Variants in MFHAS1 observed in about 807,000 individuals in gnomAD.
MFHAS1 encodes multifunctional ROCO family signaling regulator 1.
Under a neutral mutation model 70.4 loss-of-function variants are expected in MFHAS1, and 50 were observed. The ratio of observed to expected loss-of-function variants is 0.71; its 90% CI spans 0.57 to 0.90. The LOEUF (loss-of-function observed/expected upper bound fraction) is 0.90, where lower values mean the gene tolerates loss of function less well. Ranked by LOEUF, MFHAS1 falls within the 40% of genes least tolerant of loss-of-function variation. The pLI is 0.00. For missense variants in MFHAS1, 1,795 were observed against 1,347.6 expected, an observed-to-expected ratio of 1.33 and a Z score of -5.20; for synonymous variants, 952 against 620.0, an observed-to-expected ratio of 1.54 and a Z score of -7.96.
intron 2 of MFHAS1, among the ~76,000 whole-genome samples, chr8:8,796,541 G>A (rs559151754): frequency 1.9e-4 from 29 of 149,340 alleles, no homozygotes; most frequent in African/African-American, 2.5e-4. Flanking sequence ...AAAATTAGCC[G>A]GGCGCGGTGG....
chr8:8,788,535 C>T (rs1470695912), intron 2 of MFHAS1, among the ~76,000 whole-genome samples: 1 of 152,144 alleles, frequency 6.6e-6, no homozygotes, highest in South Asian at 2.1e-4. Flanking sequence ...AAAAATTAGC[C>T]AGGCGTGGTG....
At chr8:8,801,088 G>A (rs918116249) in intron 1 of MFHAS1, among the ~76,000 whole-genome samples, 3 of 152,008 alleles carry the variant, frequency 2.0e-5, no homozygotes, top group East Asian at 1.9e-4. Context: ...GGTGGCACGC[G>A]CCTGTAGTCC....
chr8:8,798,336 T>C (rs1422860310), intron 1 of MFHAS1, among the ~76,000 whole-genome samples: 1 of 152,184 alleles, frequency 6.6e-6, no homozygotes, highest in Non-Finnish European at 1.5e-5. Flanking sequence ...TTTTTTGTTG[T>C]TGTTTTGGAG....
intron 1 of MFHAS1, among the ~76,000 whole-genome samples, chr8:8,869,026 A>T (rs2116904803): frequency 6.6e-6 from 1 of 152,306 alleles, no homozygotes; most frequent in East Asian, 1.9e-4. Context: ...TTAGGTGGAA[A>T]AGTAGTTAAC....
chr8:8,839,750 T>G (rs1349479291), intron 1 of MFHAS1, among the ~76,000 whole-genome samples: 2 of 152,172 alleles, frequency 1.3e-5, no homozygotes, highest in Admixed American at 6.6e-5. Flanking sequence ...TGAAACACCA[T>G]CATGATATCC....
intron 1 of MFHAS1, among the ~76,000 whole-genome samples, chr8:8,855,123 T>C (rs1015087685): frequency 3.3e-5 from 5 of 152,148 alleles, no homozygotes; most frequent in Admixed American, 6.5e-5. Context: ...CCAAAATTAT[T>C]TTTTATTTCT....
At chr8:8,839,866 C>A (rs1412115924) in intron 1 of MFHAS1, among the ~76,000 whole-genome samples, 1 of 152,050 alleles carries the variant, frequency 6.6e-6, no homozygotes, top group African/African-American at 2.4e-5. Context: ...AGATCCAGAA[C>A]CTACCATGCC....
intron 1 of MFHAS1, among the ~76,000 whole-genome samples, chr8:8,824,346 C>G (rs1396982275): frequency 6.6e-6 from 1 of 152,028 alleles, no homozygotes; most frequent in African/African-American, 2.4e-5. Flanking sequence ...CAGGGTACCC[C>G]GGAGTCCTTA....
intron 1 of MFHAS1, among the ~76,000 whole-genome samples, chr8:8,842,730 G>C (rs781031009): frequency 1.3e-5 from 2 of 152,074 alleles, no homozygotes; most frequent in Non-Finnish European, 2.9e-5. Flanking sequence ...CAGGTGATCG[G>C]ACAGCACGTT....
chr8:8,829,991 C>T (rs896964213), intron 1 of MFHAS1, among the ~76,000 whole-genome samples: 1 of 152,068 alleles, frequency 6.6e-6, no homozygotes, highest in East Asian at 1.9e-4. Context: ...GTGCCTGCTT[C>T]GGCAGGTCTG....
rs202155225 is a variant in MFHAS1 at position 8,797,432 on chromosome 8, C to A, written c.3058G>T (p.Gly1020Cys). The stretch of plus-strand genomic sequence containing the variant: ...AAGGCAACATTTACTCGCTCGCTGC[C>A]GTTCTTGGGGCAAATGATCTCTGCC... ...GVAEIICPKNGSERVNVALVY... is the reference protein window; with the variant it reads ...GVAEIICPKNCSERVNVALVY... Residue 1020 changes from glycine to cysteine, a missense_variant, in exon 2 of 3, where the codon GGC becomes TGC. Transcript: ENST00000276282. 2 of 1,614,054 alleles carry A rather than the reference C, an allele frequency of 1.2e-6. No individual in the cohort carries two copies. The highest frequency in any genetic ancestry group is 1.7e-5 in the Admixed American group (1 of 60,012).
At chr8:8,859,153 G>C (rs1808566308) in intron 1 of MFHAS1, among the ~76,000 whole-genome samples, 1 of 152,228 alleles carries the variant, frequency 6.6e-6, no homozygotes, top group Admixed American at 6.5e-5. Flanking sequence ...AGGAGTTCGA[G>C]ACCAGCCTGG....
At chr8:8,853,839 C>G (rs1401478702) in intron 1 of MFHAS1, among the ~76,000 whole-genome samples, 2 of 152,144 alleles carry the variant, frequency 1.3e-5, no homozygotes, top group Non-Finnish European at 2.9e-5. Context: ...GTACTAGGAG[C>G]CACCACCCCT....
intron 1 of MFHAS1, among the ~76,000 whole-genome samples, chr8:8,849,882 G>C (rs1222680148): frequency 6.6e-6 from 1 of 152,210 alleles, no homozygotes; most frequent in Non-Finnish European, 1.5e-5. Context: ...TCCATTTTAA[G>C]AAAATGTACT....
chr8:8,891,568 T>G lies in MFHAS1; in HGVS notation c.1491A>C (p.Leu497=), dbSNP rs762118963. The change falls in exon 1 of 3, where the codon CTA becomes CTC. Residue 497 remains leucine (L), a synonymous_variant. Transcript: ENST00000276282. The surrounding 1 kb of genome is among the most constrained non-coding windows in gnomAD (Gnocchi z 5.4). ...IQPFFLSPGA[L]YVLVVNLATY... ...TGGCCAAGTTGACCACCAGCACGTA[T>G]AGGGCCCCTGGGGACAGGAAGAAGG... is the stretch of plus-strand genomic sequence containing the variant. 6.2e-7 allele frequency: 1 copy of G among 1,613,184 alleles called. No homozygotes were observed. The highest frequency in any genetic ancestry group is 1.7e-5 in the Admixed American group (1 of 60,028).
intron 2 of MFHAS1, among the ~76,000 whole-genome samples, chr8:8,794,094 G>A (rs1055024649): frequency 2.0e-5 from 3 of 152,034 alleles, no homozygotes; most frequent in African/African-American, 7.3e-5. Flanking sequence ...GGAGGCTGAG[G>A]CAGAAGAATC....
intron 1 of MFHAS1, among the ~76,000 whole-genome samples, chr8:8,857,166 C>T (rs963724639): frequency 1.3e-5 from 2 of 151,984 alleles, no homozygotes; most frequent in African/African-American, 4.8e-5. Context: ...AAAAAAGAAG[C>T]CTATCAATTC....
At chr8:8,889,980 T>G in intron 1 of MFHAS1, 81 bp downstream of exon 1, 1 of 1,213,484 alleles carries the variant, frequency 8.2e-7, no homozygotes, top group Non-Finnish European at 1.2e-6. Flanking sequence ...TAAACAAACA[T>G]TCTGCCAAAT....
chr8:8,880,706 A>G (rs1809486640), intron 1 of MFHAS1, among the ~76,000 whole-genome samples: 2 of 145,988 alleles, frequency 1.4e-5, no homozygotes, highest in African/African-American at 2.6e-5. Context: ...TTTCCCCCAG[A>G]TGGAGTCTTG....
Sources: allele counts gnomAD v4.1 joint callset (sites outside exome capture counted in the v4.1 genomes callset), GRCh38; gene constraint gnomAD v4.1.1; non-coding constraint Gnocchi (gnomAD v3.1); transcripts MANE v1.5; gene names NCBI Gene and HGNC (gene_info 2026-07-23, HGNC 2026-07-21).